Variants in ST8SIA6 observed in about 807,000 individuals in gnomAD.
ST8SIA6 encodes the protein alpha-2,8-sialyltransferase 8F.
Under a neutral mutation model 33.6 loss-of-function variants are expected in ST8SIA6, and 39 were observed. The observed-to-expected ratio is 1.16, with a 90% CI of 0.90 to 1.52. The LOEUF is 1.52. Among genes scored for constraint, ST8SIA6 ranks in the 40% most tolerant of loss-of-function variants. The pLI, the probability that ST8SIA6 is intolerant of heterozygous loss-of-function variation, is 0.00. For synonymous variants in ST8SIA6, 172 were observed against 167.2 expected (o/e 1.03, Z -0.22); for missense variants, 441 against 443.8 (o/e 0.99, Z 0.06).
At chr10:17,340,880 C>A (rs936972616) in intron 4 of ST8SIA6, among the ~76,000 whole-genome samples, 3 of 152,214 alleles carry the variant, frequency 2.0e-5, no homozygotes, top group Admixed American at 6.5e-5. Flanking sequence ...AGACTTACCC[C>A]CTGCACCCTA....
intron 4 of ST8SIA6, among the ~76,000 whole-genome samples, chr10:17,346,151 G>A (rs1186406704): frequency 6.6e-6 from 1 of 152,202 alleles, no homozygotes; most frequent in Non-Finnish European, 1.5e-5. Flanking sequence ...AGTCACATAT[G>A]GAGGTTCCTT....
intron 4 of ST8SIA6, among the ~76,000 whole-genome samples, chr10:17,333,692 T>G (rs1353527959): frequency 0.041 from 1,193 of 28,996 alleles, 77 homozygotes; most frequent in African/African-American, 0.05. Flanking sequence ...TATATATATA[T>G]ATATATATAT....
At chr10:17,414,969 C>A (rs369672779) in intron 2 of ST8SIA6, among the ~76,000 whole-genome samples, 1 of 152,102 alleles carries the variant, frequency 6.6e-6, no homozygotes, top group East Asian at 1.9e-4. Context: ...GGCTCCTGCC[C>A]GTCTCACTTT....
rs1848299517 is a variant in ST8SIA6 at position 17,331,534 on chromosome 10, G to A, written c.396C>T (p.Cys132=). 6.2e-7 allele frequency: 1 copy of A among 1,608,858 alleles called. No homozygotes were observed. The highest frequency in any genetic ancestry group is 8.5e-7 in the Non-Finnish European group (1 of 1,178,662). Residue 132 remains cysteine (C), a synonymous_variant, in exon 5 of 8, where the codon TGC becomes TGT. Transcript: ENST00000377602. ...CAACAAAGTTTTGAACAGCATCACA[G>A]CAGGAAGCAAGTTTGGCTCTGCAAA... The part of the protein sequence containing the change: ...YANFRAKLAS[C]CDAVQNFVVS...
intron 4 of ST8SIA6, among the ~76,000 whole-genome samples, chr10:17,350,806 C>T (rs1213727297): frequency 6.6e-6 from 1 of 152,112 alleles, no homozygotes; most frequent in Non-Finnish European, 1.5e-5. Flanking sequence ...AGGTAAGATA[C>T]GGCCATTGAT....
chr10:17,355,999 T>C (rs1395074068), intron 4 of ST8SIA6, among the ~76,000 whole-genome samples: 1 of 152,202 alleles, frequency 6.6e-6, no homozygotes, highest in African/African-American at 2.4e-5. Context: ...TTCAAAAAAC[T>C]ATATCCCACA....
chr10:17,434,867 C>T (rs1852203324), intron 2 of ST8SIA6, among the ~76,000 whole-genome samples: 2 of 152,136 alleles, frequency 1.3e-5, no homozygotes, highest in South Asian at 4.1e-4. Context: ...CTGGAGAGGG[C>T]AACTTTCTGG....
chr10:17,440,918 T>A (rs1021609660), intron 2 of ST8SIA6, among the ~76,000 whole-genome samples: 87 of 152,234 alleles, frequency 5.7e-4, no homozygotes, highest in African/African-American at 1.9e-3. Flanking sequence ...TTGCTGAAGA[T>A]AGGTCTTCAC....
intron 6 of ST8SIA6, among the ~76,000 whole-genome samples, chr10:17,324,426 C>T (rs1420329011): frequency 6.6e-6 from 1 of 151,906 alleles, no homozygotes; most frequent in Non-Finnish European, 1.5e-5. Flanking sequence ...AAAGATTAAT[C>T]ATAGGTACTA....
intron 2 of ST8SIA6, among the ~76,000 whole-genome samples, chr10:17,438,446 A>C (rs1852360338): frequency 6.6e-6 from 1 of 152,142 alleles, no homozygotes; most frequent in Non-Finnish European, 1.5e-5. Context: ...GAGATTATTC[A>C]AAGAGTCTGT....
At chr10:17,374,548 C>T (rs1252487474) in intron 3 of ST8SIA6, among the ~76,000 whole-genome samples, 1 of 151,482 alleles carries the variant, frequency 6.6e-6, no homozygotes, top group African/African-American at 2.4e-5. Flanking sequence ...CATGGTGAAA[C>T]CCCATCTCTA....
chr10:17,325,979 C>G (rs1200583805), intron 6 of ST8SIA6, among the ~76,000 whole-genome samples: 1 of 152,146 alleles, frequency 6.6e-6, no homozygotes, highest in Non-Finnish European at 1.5e-5. Flanking sequence ...AAGTCTACTG[C>G]AAGAAGAATT....
chr10:17,361,761 G>A (rs1048033088), intron 3 of ST8SIA6, among the ~76,000 whole-genome samples: 1 of 148,486 alleles, frequency 6.7e-6, no homozygotes, highest in East Asian at 1.9e-4. Flanking sequence ...AAAGATAGAT[G>A]CAAAAAATCC....
At chr10:17,399,585 A>G (rs1850959546) in intron 2 of ST8SIA6, among the ~76,000 whole-genome samples, 1 of 152,084 alleles carries the variant, frequency 6.6e-6, no homozygotes, top group Admixed American at 6.6e-5. Flanking sequence ...ACCATAATGT[A>G]TTTTGCCCTC....
chr10:17,390,468 C>T, intron 3 of ST8SIA6, 63 bp downstream of exon 3: 1 of 1,375,474 alleles, frequency 7.3e-7, no homozygotes, highest in Non-Finnish European at 1.0e-6. Flanking sequence ...GAGACACTGT[C>T]AGACATTCTG....
intron 2 of ST8SIA6, among the ~76,000 whole-genome samples, chr10:17,418,247 A>C (rs2131703821): frequency 6.6e-6 from 1 of 152,090 alleles, no homozygotes; most frequent in East Asian, 1.9e-4. Context: ...ATTTTTTTGC[A>C]GATATGGGGT....
At chr10:17,343,800 C>T (rs938873845) in intron 4 of ST8SIA6, among the ~76,000 whole-genome samples, 4 of 152,064 alleles carry the variant, frequency 2.6e-5, no homozygotes, top group East Asian at 1.9e-4. Context: ...GAAAGAGAGA[C>T]GCCAGACAGT....
At position 17,384,369 on chromosome 10, in the gene ST8SIA6, A is replaced by C. The variant is rs563046388; in HGVS notation, c.290+6162T>G. Among the ~76,000 whole-genome samples, 74 of 152,350 alleles carry C rather than the reference A, an allele frequency of 4.9e-4. No homozygotes were observed. In the South Asian group the frequency reaches 0.01, roughly 21 times the overall value. ...GCTTCTATGGAACAGAGTTCCATCA[A>C]AGCCAATTTAAAAAACTATGTAAAA... On this transcript the variant is annotated intron_variant, in intron 3 of 7. Coordinates refer to ENST00000377602, the MANE Select transcript of ST8SIA6 (RefSeq NM_001004470.3).
At chr10:17,376,203 T>C (rs1269987074) in intron 3 of ST8SIA6, among the ~76,000 whole-genome samples, 2 of 152,190 alleles carry the variant, frequency 1.3e-5, no homozygotes, top group Non-Finnish European at 2.9e-5. Flanking sequence ...TTCTCTTTAT[T>C]AGTAGCTACT....
Sources: gnomAD v4.1 joint callset for allele counts (sites outside exome capture counted in the v4.1 genomes callset) on GRCh38, gnomAD v4.1.1 for gene constraint, MANE v1.5 for transcripts, NCBI Gene and HGNC (gene_info 2026-07-23, HGNC 2026-07-21) for gene names.